The following ZNF550 variants were observed in gnomAD, a reference collection of about 807,000 sequenced individuals.
ZNF550 encodes zinc finger protein 550.
In ZNF550, 42 loss-of-function variants were observed where a neutral mutation model predicts 40.2. That is an observed-to-expected ratio of 1.05 (90% CI 0.82 to 1.35). The LOEUF is 1.35. Ranked by LOEUF, ZNF550 falls within the 40% of genes most tolerant of loss-of-function variation. The pLI, the probability that ZNF550 is intolerant of heterozygous loss-of-function variation, is 0.00. For missense variants in ZNF550, 549 were observed against 525.2 expected, an observed-to-expected ratio of 1.05 and a Z score of -0.44; for synonymous variants, 223 against 198.6, an observed-to-expected ratio of 1.12 and a Z score of -1.03.
At chr19:57,556,009 T>G (rs2090117460) in intron 2 of ZNF550, 2 of 515,184 alleles carry the variant, frequency 3.9e-6, no homozygotes, top group Non-Finnish European at 3.5e-6. Flanking sequence ...TTATGCAATC[T>G]TGATTAAGGA....
chr19:57,555,977 G>T, intron 2 of ZNF550: 1 of 446,166 alleles, frequency 2.2e-6, no homozygotes, highest in Non-Finnish European at 4.2e-6. Context: ...GACCCCACCA[G>T]GATGGCCAAT....
chr19:57,558,490 A>C (rs2090141814), intron 1 of ZNF550, among the ~76,000 whole-genome samples: 5 of 152,316 alleles, frequency 3.3e-5, no homozygotes, highest in Admixed American at 3.3e-4. Flanking sequence ...AAATGTACTT[A>C]AGCCTGGCTG....
intron 3 of ZNF550, among the ~76,000 whole-genome samples, chr19:57,551,670 G>A (rs1407148184): frequency 6.6e-6 from 1 of 152,140 alleles, no homozygotes; most frequent in Non-Finnish European, 1.5e-5. Flanking sequence ...GTGGAGATGT[G>A]GGATTGAGGG....
At chr19:57,552,121 C>T (rs1186090156) in intron 3 of ZNF550, among the ~76,000 whole-genome samples, 3 of 152,192 alleles carry the variant, frequency 2.0e-5, no homozygotes, top group East Asian at 3.8e-4. Context: ...CTGAACTAAG[C>T]AGTGTCATGT....
chr19:57,560,253 A>G (rs1016446547), upstream of ZNF550, among the ~76,000 whole-genome samples: 1 of 152,138 alleles, frequency 6.6e-6, no homozygotes, highest in Admixed American at 6.5e-5. Context: ...GACGCCAGGC[A>G]CTGTCCCTGG....
intron 4 of ZNF550, chr19:57,544,057 G>C: frequency 1.0e-6 from 1 of 985,432 alleles, no homozygotes; most frequent in East Asian, 1.1e-4. Flanking sequence ...TGCTAAACAA[G>C]TTTAAGTCAA....
At chr19:57,547,603 C>T in exon 4 of ZNF550, 1 of 1,614,210 alleles carries the variant, frequency 6.2e-7, no homozygotes, top group Non-Finnish European at 8.5e-7. Flanking sequence ...ATACCACTTC[C>T]TGTTAAAACC....
intron 1 of ZNF550, chr19:57,557,547 G>C (rs2090133687): frequency 6.6e-6 from 1 of 152,144 alleles, no homozygotes. Context: ...CTCAGAGACT[G>C]GTGCTGGTGT....
At chr19:57,555,147 G>C (rs555645733) in intron 2 of ZNF550, 3 of 152,250 alleles carry the variant, frequency 2.0e-5, no homozygotes, top group Admixed American at 6.5e-5. Context: ...TGGTAAGTGA[G>C]AAAGTCAATT....
At chr19:57,546,419 T>C in intron 4 of ZNF550, 1 of 918,648 alleles carries the variant, frequency 1.1e-6, no homozygotes, top group Non-Finnish European at 1.3e-6. Flanking sequence ...AAACTGATCT[T>C]ACAGGGAAGT....
At chr19:57,559,935 G>C, upstream of ZNF550, 1 of 402,900 alleles carries the variant, frequency 2.5e-6, no homozygotes, top group Non-Finnish European at 4.4e-6. Flanking sequence ...ATGTAGTCTT[G>C]TCCCGTAAGA....
At chr19:57,558,584 G>GT (rs980691825) in intron 1 of ZNF550, among the ~76,000 whole-genome samples, 31 of 152,312 alleles carry the variant, frequency 2.0e-4, no homozygotes, top group African/African-American at 7.2e-4. Flanking sequence ...AAATAAATGA[G>GT]TAAGGCAATG....
intron 4 of ZNF550, chr19:57,544,348 A>G (rs1372940891): frequency 1.0e-6 from 1 of 985,362 alleles, no homozygotes; most frequent in Admixed American, 6.1e-5. Flanking sequence ...TCCCATGGAA[A>G]ACACTCCTGC....
intron 1 of ZNF550, 146 bp downstream of exon 1, chr19:57,559,510 C>A: frequency 6.6e-6 from 5 of 761,696 alleles, no homozygotes; most frequent in Non-Finnish European, 9.1e-6. Flanking sequence ...GCATTCCGGA[C>A]CCGGGACCGC....
upstream of ZNF550, among the ~76,000 whole-genome samples, chr19:57,560,874 G>C (rs1212608136): frequency 2.0e-5 from 3 of 152,176 alleles, no homozygotes; most frequent in African/African-American, 7.2e-5. Context: ...TCTTCTTGTT[G>C]GAGTAGCTAA....
intron 3 of ZNF550, among the ~76,000 whole-genome samples, chr19:57,549,864 G>C (rs1010666092): frequency 1.1e-4 from 16 of 152,174 alleles, no homozygotes; most frequent in Non-Finnish European, 1.9e-4. Context: ...ACTGGAGACA[G>C]AATGACTCAG....
chr19:57,551,593 T>C, intron 3 of ZNF550, among the ~76,000 whole-genome samples: 1 of 152,116 alleles, frequency 6.6e-6, no homozygotes, highest in East Asian at 1.9e-4. Context: ...GCTTGGATGG[T>C]AAGACATTCT....
At chr19:57,556,509 AG>A (rs2090122899) in intron 1 of ZNF550, 152 bp from the exon 2 acceptor site, 1 of 912,328 alleles carries the variant, frequency 1.1e-6, no homozygotes, top group Admixed American at 2.6e-5. Context: ...CTCAAAGGGG[AG>A]GCAGATACTG....
At chr19:57,559,823 G>A (rs904538587) in exon 1 of ZNF550, 98 of 703,340 alleles carry the variant, frequency 1.4e-4, no homozygotes, top group Non-Finnish European at 6.2e-5. Context: ...GGACCAACAC[G>A]CCCCACCACA....
Sources: allele counts gnomAD v4.1 joint callset (sites outside exome capture counted in the v4.1 genomes callset), GRCh38; gene constraint gnomAD v4.1.1; transcripts MANE v1.5; gene names NCBI Gene and HGNC (gene_info 2026-07-23, HGNC 2026-07-21).